ERBB4: variants seen among roughly 807,000 people sequenced by gnomAD.
ERBB4 encodes receptor tyrosine-protein kinase erbB-4.
A neutral mutation model predicts 158.0 loss-of-function variants in ERBB4; 42 were observed. That is an observed-to-expected ratio of 0.27 (90% CI 0.21 to 0.34). ERBB4 has a LOEUF of 0.34. ERBB4 is among the 10% of genes least tolerant of loss of function. ERBB4 has a pLI of 1.00. For synonymous variants in ERBB4, 583 were observed against 558.7 expected, an observed-to-expected ratio of 1.04 and a Z score of -0.61; for missense variants, 1,333 against 1,624.1, an observed-to-expected ratio of 0.82 and a Z score of 3.08.
intron 1 of ERBB4, among the ~76,000 whole-genome samples, chr2:212,503,521 A>G (rs1444373795): frequency 2.0e-5 from 3 of 152,168 alleles, no homozygotes; most frequent in Non-Finnish European, 4.4e-5. Context: ...AGTGATATCT[A>G]GATACTTTTT....
chr2:212,055,918 G>C (rs1030238939), intron 2 of ERBB4, among the ~76,000 whole-genome samples: 1 of 152,232 alleles, frequency 6.6e-6, no homozygotes, highest in African/African-American at 2.4e-5. Flanking sequence ...ATGGAACAAA[G>C]CTGGATGGAG....
At chr2:212,419,716 A>T (rs1178229813) in intron 1 of ERBB4, among the ~76,000 whole-genome samples, 1 of 151,880 alleles carries the variant, frequency 6.6e-6, no homozygotes, top group Non-Finnish European at 1.5e-5. Flanking sequence ...AATGTATTTC[A>T]TTGGCTTTTA....
chr2:211,455,297 T>A (rs188808585), intron 20 of ERBB4, among the ~76,000 whole-genome samples: 76 of 152,328 alleles, frequency 5.0e-4, no homozygotes, highest in Admixed American at 3.3e-3. Flanking sequence ...ACTAGCTGAT[T>A]TGAGAAGTTA....
intron 1 of ERBB4, among the ~76,000 whole-genome samples, chr2:212,173,139 T>C (rs1213507234): frequency 6.6e-6 from 1 of 152,142 alleles, no homozygotes; most frequent in African/African-American, 2.4e-5. Context: ...TCTCTTATTA[T>C]ACCAGACATG....
chr2:212,439,365 T>C (rs1400140938), intron 1 of ERBB4, among the ~76,000 whole-genome samples: 4 of 152,190 alleles, frequency 2.6e-5, no homozygotes, highest in Non-Finnish European at 5.9e-5. Flanking sequence ...TTCCATTAAC[T>C]CAACCAAATT....
intron 3 of ERBB4, among the ~76,000 whole-genome samples, chr2:211,931,277 T>C (rs985621868): frequency 6.6e-6 from 1 of 152,132 alleles, no homozygotes; most frequent in Admixed American, 6.6e-5. Context: ...CTATCTTTAA[T>C]GACACATAGC....
intron 3 of ERBB4, among the ~76,000 whole-genome samples, chr2:211,907,845 T>C (rs1032569241): frequency 4.0e-5 from 6 of 151,766 alleles, no homozygotes; most frequent in Middle Eastern, 6.3e-3. Flanking sequence ...TTGGCACTGA[T>C]AGGTATTTAA....
At chr2:212,450,387 T>C (rs1170787734) in intron 1 of ERBB4, among the ~76,000 whole-genome samples, 1 of 152,148 alleles carries the variant, frequency 6.6e-6, no homozygotes, top group Non-Finnish European at 1.5e-5. Flanking sequence ...AATCCTTTTC[T>C]GGGTCCTTTT....
rs1337692738 is a variant in ERBB4 at position 212,476,469 on chromosome 2, C to T, written c.82+61980G>A. ...GATGTCAAAATATTATTCTCTCTAC[C>T]CTCTTCAATATAATGGTTTATGTTG... On this transcript the variant is annotated intron_variant, in intron 1 of 27. Transcript: ENST00000342788. Among the ~76,000 whole-genome samples, 3 of 152,090 alleles carry T rather than the reference C, an allele frequency of 2.0e-5. No homozygotes were observed. In the South Asian group the frequency reaches 6.2e-4, roughly 32 times the overall value.
At chr2:211,532,631 G>A (rs544871624) in intron 20 of ERBB4, among the ~76,000 whole-genome samples, 2 of 151,958 alleles carry the variant, frequency 1.3e-5, no homozygotes, top group Admixed American at 6.6e-5. Flanking sequence ...CAATCAAATG[G>A]GGATCTCCAC....
intron 1 of ERBB4, among the ~76,000 whole-genome samples, chr2:212,299,141 G>T (rs1490960546): frequency 6.6e-6 from 1 of 151,570 alleles, no homozygotes; most frequent in African/African-American, 2.4e-5. Flanking sequence ...AAAGAGTGAG[G>T]CATGTATCAG....
At position 211,498,605 on chromosome 2, in the gene ERBB4, T is replaced by C. The variant is rs111331441; in HGVS notation, c.2487+63298A>G. Among the ~76,000 whole-genome samples the C allele has an allele frequency of 6.8e-3, 1,035 of 152,240 alleles. 17 individuals are homozygous for C. Among genetic ancestry groups the C allele is most frequent in the African/African-American group, 0.024 (983 of 41,566 alleles). On this transcript the variant is annotated intron_variant, in intron 20 of 27. Coordinates refer to ENST00000342788, the MANE Select transcript of ERBB4 (RefSeq NM_005235.3). Reference sequence around the variant, plus strand: ...TTTAGGACCATTTTTTCAAACATCATAAGGAGTAACAATTGACTCCATAGT... The same window carrying C: ...TTTAGGACCATTTTTTCAAACATCACAAGGAGTAACAATTGACTCCATAGT...
chr2:212,244,950 G>C (rs2084256278), intron 1 of ERBB4, among the ~76,000 whole-genome samples: 1 of 151,988 alleles, frequency 6.6e-6, no homozygotes, highest in Admixed American at 6.6e-5. Flanking sequence ...AATGAAGTTG[G>C]GTTACTATCA....
At chr2:212,105,339 A>G (rs1248312383) in intron 2 of ERBB4, among the ~76,000 whole-genome samples, 1 of 152,216 alleles carries the variant, frequency 6.6e-6, no homozygotes, top group Non-Finnish European at 1.5e-5. Flanking sequence ...TAGTTTACAT[A>G]GCACTGAATT....
intron 3 of ERBB4, among the ~76,000 whole-genome samples, chr2:211,913,418 T>C (rs1224333491): frequency 2.6e-5 from 4 of 151,734 alleles, no homozygotes; most frequent in Non-Finnish European, 5.9e-5. Context: ...CTGGCCAAAA[T>C]GGTGAAACCT....
At chr2:211,631,994 A>T (rs998115754) in intron 16 of ERBB4, among the ~76,000 whole-genome samples, 2 of 151,780 alleles carry the variant, frequency 1.3e-5, no homozygotes, top group Non-Finnish European at 2.9e-5. Flanking sequence ...AAAAGCTCAT[A>T]AAAAAAATCT....
At chr2:212,403,291 GGA>G (rs1419485159) in intron 1 of ERBB4, among the ~76,000 whole-genome samples, 2 of 151,898 alleles carry the variant, frequency 1.3e-5, no homozygotes, top group African/African-American at 4.8e-5. Flanking sequence ...GGAAATTTTG[GGA>G]GATTTCTCGA....
chr2:212,272,162 ATATATT>A (rs1241479646), intron 1 of ERBB4, among the ~76,000 whole-genome samples: 1 of 151,688 alleles, frequency 6.6e-6, no homozygotes, highest in Non-Finnish European at 1.5e-5. Context: ...ATATAAACAT[ATATATT>A]TATATCTGCC....
At chr2:211,898,397 T>A (rs1468879873) in intron 3 of ERBB4, among the ~76,000 whole-genome samples, 1 of 152,166 alleles carries the variant, frequency 6.6e-6, no homozygotes, top group East Asian at 1.9e-4. Context: ...ATTAGGAAGT[T>A]ACCTGGAGTT....
Sources: allele counts gnomAD v4.1 joint callset (sites outside exome capture counted in the v4.1 genomes callset), GRCh38; gene constraint gnomAD v4.1.1; transcripts MANE v1.5; gene names NCBI Gene and HGNC (gene_info 2026-07-23, HGNC 2026-07-21).